ZDHHC3: variants seen among roughly 807,000 people sequenced by gnomAD.
The protein encoded by ZDHHC3 is palmitoyltransferase ZDHHC3.
A neutral mutation model predicts 30.6 loss-of-function variants in ZDHHC3; 9 were observed. The ratio of observed to expected loss-of-function variants is 0.29; its 90% CI spans 0.18 to 0.51. The LOEUF is 0.51. ZDHHC3 is among the 20% of genes least tolerant of loss of function. The probability of loss-of-function intolerance (pLI) is 0.97; values close to 1 mark genes in which losing one functional copy is unlikely to be tolerated. For missense variants in ZDHHC3, 246 were observed against 384.2 expected (o/e 0.64, Z 3.01); for synonymous variants, 136 against 140.2 (o/e 0.97, Z 0.21).
chr3:44,943,261 C>G (rs1702602955), intron 3 of ZDHHC3, among the ~76,000 whole-genome samples: 1 of 152,238 alleles, frequency 6.6e-6, no homozygotes, highest in Non-Finnish European at 1.5e-5. Flanking sequence ...GGAGCCAGAA[C>G]TGCCGGGACC....
intron 1 of ZDHHC3, among the ~76,000 whole-genome samples, chr3:44,963,398 A>C (rs1345845013): frequency 6.6e-6 from 1 of 152,178 alleles, no homozygotes; most frequent in Non-Finnish European, 1.5e-5. Context: ...ATACTGCTAT[A>C]AAAAGGTTGC....
intron 3 of ZDHHC3, among the ~76,000 whole-genome samples, chr3:44,940,379 T>G (rs1317324403): frequency 6.6e-6 from 1 of 152,182 alleles, no homozygotes; most frequent in Non-Finnish European, 1.5e-5. Context: ...GTTTTGGCTG[T>G]GGATGGCCTC....
intron 3 of ZDHHC3, among the ~76,000 whole-genome samples, chr3:44,940,439 A>G (rs1702343033): frequency 6.6e-6 from 1 of 151,974 alleles, no homozygotes; most frequent in Non-Finnish European, 1.5e-5. Flanking sequence ...AATCCACCCT[A>G]TCCTCTAAGG....
chr3:44,966,554 TA>T (rs1704968392), intron 1 of ZDHHC3, among the ~76,000 whole-genome samples: 1 of 152,218 alleles, frequency 6.6e-6, no homozygotes, highest in South Asian at 2.1e-4. Context: ...CGTACAGTCT[TA>T]AAAATGTGGT....
intron 1 of ZDHHC3, among the ~76,000 whole-genome samples, chr3:44,972,122 C>T (rs184803043): frequency 2.6e-5 from 4 of 152,276 alleles, no homozygotes; most frequent in Non-Finnish European, 4.4e-5. Context: ...AAAACATGGC[C>T]ATGTCTGCTT....
At chr3:44,929,775 C>T (rs992453924) in intron 5 of ZDHHC3, among the ~76,000 whole-genome samples, 4 of 152,204 alleles carry the variant, frequency 2.6e-5, no homozygotes, top group African/African-American at 7.2e-5. Flanking sequence ...GAACGCCTGA[C>T]GACACCACAG....
Position 44,921,562 on chromosome 3 carries a change from T to C in ZDHHC3, c.*5127A>G, listed in dbSNP as rs541660643. ...AAACATGCTGGTTGCAAACCATGAA[T>C]GGCTGTGACCAATGGTTTGAAAAGC... On this transcript the variant is annotated 3_prime_UTR_variant, in exon 7 of 7. Transcript: ENST00000424952. The C allele has an allele frequency of 1.6e-4, 157 of 985,474 alleles. No homozygotes were observed. In the South Asian group the frequency reaches 6.5e-3, roughly 41 times the overall value. The allele number at this position is 985,474 out of a possible 1,614,324, so 61.0% of individuals were successfully genotyped here.
At chr3:44,968,304 C>T (rs923226300) in intron 1 of ZDHHC3, among the ~76,000 whole-genome samples, 4 of 151,960 alleles carry the variant, frequency 2.6e-5, no homozygotes, top group African/African-American at 9.7e-5. Flanking sequence ...TAATCTCTGA[C>T]TCTTTAAAAA....
intron 3 of ZDHHC3, among the ~76,000 whole-genome samples, chr3:44,935,475 G>A (rs564863917): frequency 6.6e-6 from 1 of 152,258 alleles, no homozygotes; most frequent in Admixed American, 6.5e-5. Flanking sequence ...TTGCCCAGGT[G>A]GGTCTCAAAC....
intron 2 of ZDHHC3, among the ~76,000 whole-genome samples, chr3:44,948,515 A>G (rs1441573178): frequency 6.6e-6 from 1 of 152,198 alleles, no homozygotes; most frequent in African/African-American, 2.4e-5. Flanking sequence ...GGGAAGTACA[A>G]AGAAGCGATG....
At position 44,918,949 on chromosome 3, in the gene ZDHHC3, T is replaced by A. The variant is rs1700403745; in HGVS notation, c.*7740A>T. ...TTGACCCTCCACTGGGGGCACTGCT[T>A]TCTCCATCTCTTCTGGAAGCCAAGG... On this transcript the variant is annotated 3_prime_UTR_variant, in exon 7 of 7. Transcript: ENST00000424952. 7 of 985,618 alleles carry A rather than the reference T, an allele frequency of 7.1e-6. No individual in the cohort carries two copies. The highest frequency in any genetic ancestry group is 5.2e-4 in the Middle Eastern group (1 of 1,914). 61.1% of individuals were successfully genotyped at this position (985,618 alleles called of 1,614,324 possible). A position where few individuals can be genotyped will look rare whatever the true frequency, so the allele number is the denominator to read the frequency against.
At chr3:44,966,176 A>G (rs1005418146) in intron 1 of ZDHHC3, among the ~76,000 whole-genome samples, 1 of 152,258 alleles carries the variant, frequency 6.6e-6, no homozygotes, top group African/African-American at 2.4e-5. Flanking sequence ...AGTAGGAACT[A>G]TAAAATCGAA....
chr3:44,920,807 C>T lies in ZDHHC3; in HGVS notation c.*5882G>A, dbSNP rs909222602. On this transcript the variant is annotated 3_prime_UTR_variant, in exon 7 of 7. Transcript: ENST00000424952. Reference sequence around the variant, plus strand: ...TCCTCACCAACCTCATAAAGTATTCCAGACAGAGCCTGGCCTGTCTACCAG... The same window carrying T: ...TCCTCACCAACCTCATAAAGTATTCTAGACAGAGCCTGGCCTGTCTACCAG... 3 of 985,302 alleles carry T rather than the reference C, an allele frequency of 3.0e-6. No individual in the cohort carries two copies. Among genetic ancestry groups the T allele is most frequent in the South Asian group, 4.7e-5 (1 of 21,284 alleles). 61.0% of individuals were successfully genotyped at this position (985,302 alleles called of 1,614,324 possible). A position where few individuals can be genotyped will look rare whatever the true frequency, so the allele number is the denominator to read the frequency against.
At chr3:44,954,621 T>A (rs1436895820) in intron 2 of ZDHHC3, among the ~76,000 whole-genome samples, 1 of 152,182 alleles carries the variant, frequency 6.6e-6, no homozygotes, top group South Asian at 2.1e-4. Flanking sequence ...GTCTCAGATT[T>A]GAAATAATTT....
Position 44,955,469 on chromosome 3 carries a change from A to ATATATG in ZDHHC3, c.306+3661_306+3662insCATATA, listed in dbSNP as rs1703866298. 9.5e-5 allele frequency among the ~76,000 whole-genome samples: 14 copies of ATATATG among 147,428 alleles called. No homozygotes were observed. In the Admixed American group the frequency reaches 9.5e-4, roughly 10 times the overall value. On this transcript the variant is annotated intron_variant, in intron 2 of 6. Transcript: ENST00000424952. Reference sequence around the variant, plus strand: ...GACCACAAGGTTTTTATATATATATATATATATGTATATATATATATTTTA... The same window carrying ATATATG: ...GACCACAAGGTTTTTATATATATATATATATGTATATATGTATATATATATATTTTA...
In ZDHHC3 at chr3:44,920,915, T is replaced by C. The variant is rs1000006388; in HGVS notation, c.*5774A>G. 7.1e-6 allele frequency: 7 copies of C among 985,268 alleles called. No homozygotes were observed. The highest frequency in any genetic ancestry group is 6.1e-5 in the Admixed American group (1 of 16,262). The allele number at this position is 985,268 out of a possible 1,614,324, so 61.0% of individuals were successfully genotyped here. A position where few individuals can be genotyped will look rare whatever the true frequency, so the allele number is the denominator to read the frequency against. On this transcript the variant is annotated 3_prime_UTR_variant, in exon 7 of 7. Transcript: ENST00000424952. ...AAGAAAATATTGCAAACAAATCCGA[T>C]GTATAAAAATGGGCTGAGGGCTGCT...
intron 2 of ZDHHC3, among the ~76,000 whole-genome samples, chr3:44,953,272 C>T (rs1031792171): frequency 8.5e-5 from 13 of 152,192 alleles, no homozygotes; most frequent in African/African-American, 3.1e-4. Flanking sequence ...ACAAACATAT[C>T]ATTACCAGGT....
intron 3 of ZDHHC3, 115 bp from the exon 4 acceptor site, chr3:44,934,099 A>G (rs1186063963): frequency 9.8e-7 from 1 of 1,021,612 alleles, no homozygotes; most frequent in African/African-American, 1.6e-5. Context: ...TTCCTTGGGC[A>G]CTGCCAGGGG....
chr3:44,950,848 T>C (rs934838598), intron 2 of ZDHHC3, among the ~76,000 whole-genome samples: 2 of 152,218 alleles, frequency 1.3e-5, no homozygotes, highest in Admixed American at 6.5e-5. Flanking sequence ...CCTGAGACAT[T>C]TTTGTCACTG....
Sources: gnomAD v4.1 joint callset for allele counts (sites outside exome capture counted in the v4.1 genomes callset) on GRCh38, gnomAD v4.1.1 for gene constraint, MANE v1.5 for transcripts, NCBI Gene and HGNC (gene_info 2026-07-23, HGNC 2026-07-21) for gene names.